GIGYF2: variants seen among roughly 807,000 people sequenced by gnomAD.
GIGYF2 encodes GRB10-interacting GYF protein 2.
Under a neutral mutation model 208.1 loss-of-function variants are expected in GIGYF2, and 25 were observed. The observed-to-expected ratio is 0.12, with a 90% CI of 0.09 to 0.17. GIGYF2 has a LOEUF of 0.17. Ranked by LOEUF, GIGYF2 falls within the 10% of genes least tolerant of loss-of-function variation. The probability of loss-of-function intolerance (pLI) is 1.00; values close to 1 mark genes in which losing one functional copy is unlikely to be tolerated. For synonymous variants in GIGYF2, 534 were observed against 543.8 expected, an observed-to-expected ratio of 0.98 and a Z score of 0.25; for missense variants, 1,302 against 1,579.4, an observed-to-expected ratio of 0.82 and a Z score of 2.98.
chr2:232,700,830 T>C (rs969131686), intron 1 of GIGYF2, among the ~76,000 whole-genome samples: 3 of 152,260 alleles, frequency 2.0e-5, no homozygotes, highest in East Asian at 1.9e-4. Flanking sequence ...AGGAAAAATA[T>C]ATAAAATGAA....
intron 2 of GIGYF2, among the ~76,000 whole-genome samples, chr2:232,706,911 A>G (rs966690419): frequency 6.7e-6 from 1 of 150,304 alleles, no homozygotes; most frequent in Non-Finnish European, 1.5e-5. Flanking sequence ...GCACCACTGC[A>G]TCCCTACCTG....
intron 20 of GIGYF2, among the ~76,000 whole-genome samples, chr2:232,818,841 C>T (rs1391668501): frequency 6.6e-6 from 1 of 152,028 alleles, no homozygotes; most frequent in African/African-American, 2.4e-5. Context: ...GACCAATTCC[C>T]TATTGTTGGA....
In GIGYF2 at chr2:232,739,000, A is replaced by G. The variant is rs554853075; in HGVS notation, c.41+3762A>G. On this transcript the variant is annotated intron_variant, in intron 3 of 28. Coordinates refer to ENST00000373563, the MANE Select transcript of GIGYF2 (RefSeq NM_001103146.3). The stretch of plus-strand genomic sequence containing the variant: ...TTAGAGTTTTTTTGTTGTTAGTTTC[A>G]TTAACAAAATAAACACACTTATTCT... 1.8e-4 allele frequency among the ~76,000 whole-genome samples: 28 copies of G among 152,156 alleles called. 1 individual carries two copies. The highest frequency in any genetic ancestry group is 3.5e-4 in the Non-Finnish European group (24 of 68,026).
Position 232,819,957 on chromosome 2 carries a change from G to A in GIGYF2, c.2501G>A (p.Arg834Gln), listed in dbSNP as rs1318310706. The change falls in exon 21 of 29, where the codon CGG becomes CAG. Residue 834 changes from arginine to glutamine, a missense_variant. Arg to Gln is a conservative substitution (Grantham distance 43). Around this residue, in one of 8 missense-constraint regions of GIGYF2, gnomAD observed 701 missense variants for 793.0 expected, o/e 0.88. Transcript: ENST00000373563. ...AGGAGAAGAGAAGAGGAAGAAAGGC[G>A]GAAGCAGGAAGAATTGTTACGCAAA... The part of the protein sequence containing the change: ...EERRREEEER[R>Q]KQEELLRKQE... 8 of 1,609,610 alleles carry A rather than the reference G, an allele frequency of 5.0e-6. No individual in the cohort carries two copies. The highest frequency in any genetic ancestry group is 2.2e-5 in the East Asian group (1 of 44,844).
intron 15 of GIGYF2, among the ~76,000 whole-genome samples, chr2:232,808,645 T>C (rs1700630918): frequency 6.6e-6 from 1 of 152,180 alleles, no homozygotes; most frequent in Non-Finnish European, 1.5e-5. Flanking sequence ...AAGTATCTTA[T>C]TTCAAACTAT....
intron 28 of GIGYF2, among the ~76,000 whole-genome samples, chr2:232,854,947 T>C (rs1281907282): frequency 6.6e-6 from 1 of 152,196 alleles, no homozygotes; most frequent in Non-Finnish European, 1.5e-5. Context: ...TGGAACATTT[T>C]TGGGGAGTCA....
chr2:232,754,390 G>A (rs969026517), intron 5 of GIGYF2, among the ~76,000 whole-genome samples: 9 of 152,038 alleles, frequency 5.9e-5, no homozygotes, highest in Non-Finnish European at 1.3e-4. Flanking sequence ...AAGGGGATGG[G>A]CATTTAAATA....
chr2:232,797,666 A>G (rs191789733), intron 14 of GIGYF2, among the ~76,000 whole-genome samples: 1 of 152,278 alleles, frequency 6.6e-6, no homozygotes, highest in Admixed American at 6.5e-5. Flanking sequence ...CACAAGTGGG[A>G]CATTGACATT....
intron 22 of GIGYF2, among the ~76,000 whole-genome samples, chr2:232,835,038 A>C (rs548642761): frequency 6.6e-6 from 1 of 152,088 alleles, no homozygotes; most frequent in African/African-American, 2.4e-5. Context: ...CCATTATTCC[A>C]CTTTGTGTGC....
At chr2:232,834,620 T>C (rs1332924413) in intron 22 of GIGYF2, among the ~76,000 whole-genome samples, 1 of 152,220 alleles carries the variant, frequency 6.6e-6, no homozygotes, top group East Asian at 1.9e-4. Flanking sequence ...CCATTATTTC[T>C]TCAATTGTAT....
At chr2:232,791,469 A>G in intron 12 of GIGYF2, 23 bp downstream of exon 12, 1 of 1,600,032 alleles carries the variant, frequency 6.2e-7, no homozygotes, top group Non-Finnish European at 8.5e-7. Flanking sequence ...GGGAATAGAC[A>G]AGCTAAAATA....
intron 12 of GIGYF2, among the ~76,000 whole-genome samples, chr2:232,791,868 T>G (rs901955549): frequency 1.3e-5 from 2 of 152,324 alleles, no homozygotes; most frequent in South Asian, 4.2e-4. Flanking sequence ...AGAGAACATA[T>G]GTGAATCTGT....
rs954461391 is a variant in GIGYF2, at chr2:232,814,571, C to A, written c.2108-1066C>A. 9.9e-5 allele frequency among the ~76,000 whole-genome samples: 13 copies of A among 130,758 alleles called. 1 individual carries two copies. The highest frequency in any genetic ancestry group is 3.3e-4 in the African/African-American group (12 of 36,472). 85.8% of individuals were successfully genotyped at this position (130,758 alleles called of 152,430 possible). A position where few individuals can be genotyped will look rare whatever the true frequency, so the allele number is the denominator to read the frequency against. ...GAGTGAGACTCCACCTCAAACCCCCCCCCCCCAAAAAAAAAGTACCTTCAG... is the reference window on the plus strand; with the variant it reads ...GAGTGAGACTCCACCTCAAACCCCCACCCCCCAAAAAAAAAGTACCTTCAG... On this transcript the variant is annotated intron_variant, in intron 18 of 28. Transcript: ENST00000373563.
intron 28 of GIGYF2, among the ~76,000 whole-genome samples, chr2:232,854,896 ATAAC>A (rs1239447188): frequency 6.6e-6 from 1 of 152,184 alleles, no homozygotes; most frequent in Non-Finnish European, 1.5e-5. Context: ...TGGTATTCAA[ATAAC>A]TAAAACAGTT....
chr2:232,779,183 T>C (rs1012968448), intron 8 of GIGYF2, among the ~76,000 whole-genome samples: 3 of 152,200 alleles, frequency 2.0e-5, no homozygotes, highest in Non-Finnish European at 4.4e-5. Context: ...TGTAGCTGTT[T>C]CACAGTAAGG....
chr2:232,768,988 C>T (rs1246060918), intron 8 of GIGYF2, among the ~76,000 whole-genome samples: 2 of 152,162 alleles, frequency 1.3e-5, no homozygotes, highest in East Asian at 1.9e-4. Context: ...AAGCATTTTT[C>T]AAAGTACATT....
At chr2:232,742,156 C>A (rs1330720533) in intron 3 of GIGYF2, among the ~76,000 whole-genome samples, 1 of 152,196 alleles carries the variant, frequency 6.6e-6, no homozygotes, top group African/African-American at 2.4e-5. Context: ...ATAATGTTTA[C>A]CTTTATTATG....
intron 15 of GIGYF2, among the ~76,000 whole-genome samples, chr2:232,807,507 AGTGAGACCCT>A (rs1700595221): frequency 6.6e-6 from 1 of 152,208 alleles, no homozygotes; most frequent in African/African-American, 2.4e-5. Context: ...TGGGCAACAG[AGTGAGACCCT>A]GTCTCAAAAA....
At chr2:232,811,698 C>T (rs1422896280) in intron 17 of GIGYF2, among the ~76,000 whole-genome samples, 1 of 152,058 alleles carries the variant, frequency 6.6e-6, no homozygotes, top group Non-Finnish European at 1.5e-5. Flanking sequence ...AGCCACACCA[C>T]AAAAGGTTGT....
Sources: gnomAD v4.1 joint callset for allele counts (sites outside exome capture counted in the v4.1 genomes callset) on GRCh38, gnomAD v4.1.1 for gene constraint, gnomAD v4.1.1 regional missense constraint, MANE v1.5 for transcripts, NCBI Gene and HGNC (gene_info 2026-07-23, HGNC 2026-07-21) for gene names.